PDE4D: variants seen among roughly 807,000 people sequenced by gnomAD.
The protein encoded by PDE4D is phosphodiesterase 4D, also known as 3',5'-cyclic-AMP phosphodiesterase 4D.
In PDE4D, 24 loss-of-function variants were observed where a neutral mutation model predicts 87.4. That is an observed-to-expected ratio of 0.27 (90% CI 0.20 to 0.39). The LOEUF is 0.39. Among genes scored for constraint, PDE4D ranks in the 10% least tolerant of loss-of-function variants. The pLI, the probability that PDE4D is intolerant of heterozygous loss-of-function variation, is 1.00. For synonymous variants in PDE4D, 384 were observed against 383.2 expected, an observed-to-expected ratio of 1.00 and a Z score of -0.02; for missense variants, 714 against 1,041.0, an observed-to-expected ratio of 0.69 and a Z score of 4.32.
At chr5:60,014,001 G>A (rs900480278) in intron 2 of PDE4D, among the ~76,000 whole-genome samples, 3 of 151,354 alleles carry the variant, frequency 2.0e-5, no homozygotes, top group African/African-American at 7.3e-5. Context: ...GCTGAGGCAG[G>A]AGAATTGCTT....
At chr5:59,682,973 T>A (rs1749271744) in intron 1 of PDE4D, among the ~76,000 whole-genome samples, 1 of 152,210 alleles carries the variant, frequency 6.6e-6, no homozygotes, top group Non-Finnish European at 1.5e-5. Flanking sequence ...TTGAAAAGCA[T>A]GATTTTGTAA....
At chr5:59,574,499 A>T (rs948711502) in intron 1 of PDE4D, among the ~76,000 whole-genome samples, 1 of 152,170 alleles carries the variant, frequency 6.6e-6, no homozygotes, top group African/African-American at 2.4e-5. Flanking sequence ...AGTGATGCTC[A>T]TAAAAGGTGA....
At chr5:59,811,366 T>G (rs570513975) in intron 1 of PDE4D, among the ~76,000 whole-genome samples, 1 of 152,374 alleles carries the variant, frequency 6.6e-6, no homozygotes, top group Admixed American at 6.5e-5. Context: ...GAGATGCACA[T>G]ACCAAAAATA....
chr5:59,020,955 A>G (rs1755045873), intron 6 of PDE4D, among the ~76,000 whole-genome samples: 1 of 152,172 alleles, frequency 6.6e-6, no homozygotes, highest in African/African-American at 2.4e-5. Context: ...AATCTGTGCA[A>G]TGATTACAGA....
Position 58,976,456 on chromosome 5 carries a change from AT to A in PDE4D, c.1723del (p.Met575CysfsTer5). Reference sequence around the variant, plus strand: ...AGCCAGTAGATTCATGTGTTTTGACATATCTGTTGCAAGTACCTTAAAATAT... The same window carrying A: ...AGCCAGTAGATTCATGTGTTTTGACAATCTGTTGCAAGTACCTTAAAATAT... ...MVIDIVLATD[M>X]SKHMNLLADL... On this transcript the variant is annotated frameshift_variant, in exon 13 of 15. Transcript: ENST00000340635. LOFTEE classifies it high-confidence loss of function. 6.3e-7 allele frequency: 1 copy of A among 1,575,716 alleles called. No individual in the cohort carries two copies. The highest frequency in any genetic ancestry group is 8.6e-7 in the Non-Finnish European group (1 of 1,158,520).
intron 1 of PDE4D, among the ~76,000 whole-genome samples, chr5:59,734,687 T>C (rs902595321): frequency 1.5e-5 from 2 of 137,928 alleles, no homozygotes; most frequent in African/African-American, 5.3e-5. Flanking sequence ...GGATATGTCA[T>C]GGACTTAAAA....
intron 1 of PDE4D, among the ~76,000 whole-genome samples, chr5:59,741,429 A>C (rs998741989): frequency 6.6e-6 from 1 of 152,202 alleles, no homozygotes; most frequent in African/African-American, 2.4e-5. Flanking sequence ...AAAGAAAAAA[A>C]TCTAAAGGGT....
chr5:59,065,067 T>TACACAC (rs10563874), intron 5 of PDE4D, among the ~76,000 whole-genome samples: 6 of 89,230 alleles, frequency 6.7e-5, no homozygotes, highest in Non-Finnish European at 1.8e-4. Flanking sequence ...GATATATATA[T>TACACAC]ACACACACAC....
At chr5:59,923,693 A>G (rs369218402) in intron 3 of PDE4D, among the ~76,000 whole-genome samples, 2 of 152,290 alleles carry the variant, frequency 1.3e-5, no homozygotes, top group African/African-American at 4.8e-5. Context: ...ACATAGCTGC[A>G]GTGAACAAAA....
intron 1 of PDE4D, among the ~76,000 whole-genome samples, chr5:59,619,652 A>G (rs1830117079): frequency 6.6e-6 from 1 of 152,096 alleles, no homozygotes; most frequent in Non-Finnish European, 1.5e-5. Context: ...GGATCAAGAA[A>G]CCCCAAAGAA....
intron 1 of PDE4D, among the ~76,000 whole-genome samples, chr5:59,756,320 C>T (rs1466519947): frequency 6.6e-6 from 1 of 151,742 alleles, no homozygotes; most frequent in Non-Finnish European, 1.5e-5. Flanking sequence ...AGTAATTTCC[C>T]AAGAATCATA....
chr5:60,051,105 C>T (rs1217316874), intron 2 of PDE4D, among the ~76,000 whole-genome samples: 2 of 152,086 alleles, frequency 1.3e-5, no homozygotes, highest in East Asian at 3.8e-4. Flanking sequence ...GACTTTAACA[C>T]CCCACTGTCA....
intron 1 of PDE4D, among the ~76,000 whole-genome samples, chr5:60,191,788 G>A (rs1259566376): frequency 1.3e-5 from 2 of 152,132 alleles, no homozygotes; most frequent in Non-Finnish European, 2.9e-5. Context: ...CCTGAGGTCA[G>A]GAGTGTGAGA....
At chr5:59,354,440 C>G (rs922192087) in intron 1 of PDE4D, among the ~76,000 whole-genome samples, 7 of 152,150 alleles carry the variant, frequency 4.6e-5, no homozygotes, top group African/African-American at 9.7e-5. Context: ...TGCAATAAAA[C>G]TATGCTCTTC....
At chr5:60,457,888 T>G (rs1746597537) in intron 1 of PDE4D, among the ~76,000 whole-genome samples, 2 of 152,222 alleles carry the variant, frequency 1.3e-5, no homozygotes, top group South Asian at 4.1e-4. Flanking sequence ...AGATATTCTC[T>G]GCTTTGGAAT....
intron 3 of PDE4D, among the ~76,000 whole-genome samples, chr5:59,903,024 G>A (rs1752436887): frequency 6.6e-6 from 1 of 152,132 alleles, no homozygotes; most frequent in Non-Finnish European, 1.5e-5. Flanking sequence ...AGTGGTGTGT[G>A]TAGCTCTCAA....
chr5:60,450,346 C>G (rs1017646817), intron 1 of PDE4D, among the ~76,000 whole-genome samples: 7 of 151,812 alleles, frequency 4.6e-5, no homozygotes, highest in Non-Finnish European at 1.0e-4. Flanking sequence ...TGGTTTTGCC[C>G]CAATCTGACA....
At chr5:59,721,313 T>C (rs527666010) in intron 1 of PDE4D, among the ~76,000 whole-genome samples, 12 of 152,316 alleles carry the variant, frequency 7.9e-5, no homozygotes, top group African/African-American at 2.9e-4. Context: ...TCTCTCTGTA[T>C]TCTTCGTAAT....
chr5:59,748,007 A>G (rs1409693050), intron 1 of PDE4D, among the ~76,000 whole-genome samples: 2 of 152,150 alleles, frequency 1.3e-5, no homozygotes, highest in Non-Finnish European at 1.5e-5. Flanking sequence ...AACTGACTTT[A>G]CAACAAAACT....
Sources: gnomAD v4.1 joint callset for allele counts (sites outside exome capture counted in the v4.1 genomes callset) on GRCh38, gnomAD v4.1.1 for gene constraint, MANE v1.5 for transcripts, NCBI Gene and HGNC (gene_info 2026-07-23, HGNC 2026-07-21) for gene names.